The following USP17L1 variants were observed in gnomAD, a reference collection of about 807,000 sequenced individuals.
USP17L1 encodes the protein ubiquitin carboxyl-terminal hydrolase 17-like protein 1.
A neutral mutation model predicts 31.4 loss-of-function variants in USP17L1; 42 were observed. The observed-to-expected ratio is 1.34, with a 90% CI of 1.05 to 1.73. USP17L1 has a LOEUF of 1.73. Ranked by LOEUF, USP17L1 falls within the 40% of genes most tolerant of loss-of-function variation. The pLI is 0.00. For missense variants in USP17L1, 576 were observed against 495.8 expected, an observed-to-expected ratio of 1.16 and a Z score of -1.54; for synonymous variants, 230 against 194.4, an observed-to-expected ratio of 1.18 and a Z score of -1.52.
At position 7,333,066 on chromosome 8, in the gene USP17L1, T is replaced by G; in HGVS notation, c.680T>G (p.Ile227Ser). Reference sequence around the variant, plus strand: ...CCTTACCTGGACATCGCCCTGGATATCCAGGCAGCTCAGAGTGTCAAGCAA... The same window carrying G: ...CCTTACCTGGACATCGCCCTGGATAGCCAGGCAGCTCAGAGTGTCAAGCAA... ...FDPYLDIALDIQAAQSVKQAL... is the reference protein window; with the variant it reads ...FDPYLDIALDSQAAQSVKQAL... Residue 227 changes from isoleucine (I) to serine (S), a missense_variant, in exon 1 of 1, where the codon ATC (isoleucine) becomes AGC (serine). By Grantham distance (142) the Ile-to-Ser change is moderately radical. Transcript: ENST00000529559. The G allele has an allele frequency of 1.1e-6, 1 of 934,224 alleles. No individual in the cohort carries two copies. Among genetic ancestry groups the G allele is most frequent in the South Asian group, 1.4e-5 (1 of 72,896 alleles). The allele number at this position is 934,224 out of a possible 1,614,324, so 57.9% of individuals were successfully genotyped here.
At position 7,332,450 on chromosome 8, in the gene USP17L1, T is replaced by A. The variant is rs1396002382; in HGVS notation, c.64T>A (p.Ser22Thr). ...GTTCAACCACTTTTCAAAACTCACATCTTCTCGGCCAGATGCAGCTTTTGC... is the reference window on the plus strand; with the variant it reads ...GTTCAACCACTTTTCAAAACTCACAACTTCTCGGCCAGATGCAGCTTTTGC... ...WQFNHFSKLT[S>T]SRPDAAFAEI... Residue 22 changes from serine to threonine, a missense_variant, in exon 1 of 1, where the codon TCT becomes ACT. Transcript: ENST00000529559. 4 of 564,634 alleles carry A rather than the reference T, an allele frequency of 7.1e-6. No homozygotes were observed. Among genetic ancestry groups the A allele is most frequent in the Non-Finnish European group, 1.2e-5 (4 of 339,884 alleles). 35.0% of individuals were successfully genotyped at this position (564,634 alleles called of 1,614,324 possible). A position where few individuals can be genotyped will look rare whatever the true frequency, so the allele number is the denominator to read the frequency against.
Position 7,333,428 on chromosome 8 carries a change from A to G in USP17L1, c.1042A>G (p.Lys348Glu), listed in dbSNP as rs557151981. 1.2e-4 allele frequency: 189 copies of G among 1,572,226 alleles called. 7 individuals are homozygous for G. Among genetic ancestry groups the G allele is most frequent in the Non-Finnish European group, 1.5e-4 (179 of 1,168,800 alleles). ...CAAAGCTCAAGAAGTCCAGTGGTAT[A>G]AAATGGATGATGCCGAGGTCACTGT... The part of the protein sequence containing the change: ...YVKAQEVQWY[K>E]MDDAEVTVCS... The change falls in exon 1 of 1, where the codon AAA (lysine) becomes GAA (glutamate). Residue 348 changes from lysine to glutamate, a missense_variant. Coordinates refer to ENST00000529559, the MANE Select transcript of USP17L1 (RefSeq NM_001256873.1).
Position 7,333,472 on chromosome 8 carries a change from C to T in USP17L1, c.1086C>T (p.Val362=), listed in dbSNP as rs748604981. Residue 362 remains valine, a synonymous_variant, in exon 1 of 1, where the codon GTC becomes GTT. Coordinates refer to ENST00000529559, the MANE Select transcript of USP17L1 (RefSeq NM_001256873.1). The stretch of plus-strand genomic sequence containing the variant: ...TCACTGTCTGTAGCATCATTTCTGT[C>T]CTGAGTCAACAGGCCTATGTCCTCT... ...AEVTVCSIIS[V]LSQQAYVLFY... is the part of the protein sequence containing the mutation. 3.8e-6 allele frequency: 6 copies of T among 1,565,112 alleles called. No homozygotes were observed. The highest frequency in any genetic ancestry group is 2.2e-5 in the South Asian group (2 of 89,750).
In USP17L1 at chr8:7,333,591, G is replaced by A. The variant is rs543951582; in HGVS notation, c.1205G>A (p.Arg402Gln). The A allele has an allele frequency of 8.2e-5, 121 of 1,476,400 alleles. 4 individuals are homozygous for A. The East Asian group carries it at 1.0e-3, about 13-fold the overall frequency. The allele number at this position is 1,476,400 out of a possible 1,614,324, so 91.5% of individuals were successfully genotyped here. Residue 402 changes from arginine to glutamine, a missense_variant, in exon 1 of 1, where the codon CGA (arginine) becomes CAA (glutamine). Coordinates refer to ENST00000529559, the MANE Select transcript of USP17L1 (RefSeq NM_001256873.1). ...RALGAEDTDR[R>Q]AKQGELKRDH... is the part of the protein sequence containing the mutation. ...CTCGGCGCTGAAGACACAGACAGGCGAGCAAAGCAAGGAGAGCTCAAGAGA... is the reference window on the plus strand; with the variant it reads ...CTCGGCGCTGAAGACACAGACAGGCAAGCAAAGCAAGGAGAGCTCAAGAGA...
Position 7,333,389 on chromosome 8 carries a change from T to C in USP17L1, c.1003T>C (p.Tyr335His). 2 of 1,573,610 alleles carry C rather than the reference T, an allele frequency of 1.3e-6. No homozygotes were observed. Among genetic ancestry groups the C allele is most frequent in the East Asian group, 2.3e-5 (1 of 44,428 alleles). ...HAGWSCHDGH[Y>H]FSYVKAQEVQ... ...TGGGTGGAGTTGTCACGACGGACAT[T>C]ACTTCTCCTATGTCAAAGCTCAAGA... Residue 335 changes from tyrosine (Y) to histidine (H), a missense_variant, in exon 1 of 1, where the codon TAC becomes CAC. By Grantham distance (83) the Tyr-to-His change is moderately conservative. Transcript: ENST00000529559.
chr8:7,332,629 G>T lies in USP17L1; in HGVS notation c.243G>T (p.Gly81=), dbSNP rs572967453. Residue 81 remains glycine (G), a synonymous_variant, in exon 1 of 1, where the codon GGG becomes GGT. Coordinates refer to ENST00000529559, the MANE Select transcript of USP17L1 (RefSeq NM_001256873.1). ...SSRRPAAVGA[G]LQNMGNTCYE... The stretch of plus-strand genomic sequence containing the variant: ...GGAGACCTGCTGCGGTGGGGGCTGG[G>T]CTCCAGAATATGGGAAATACCTGCT... 76 of 506,536 alleles carry T rather than the reference G, an allele frequency of 1.5e-4. 11 individuals carry two copies. The African/African-American group carries it at 3.9e-3, about 26-fold the overall frequency. 31.4% of individuals were successfully genotyped at this position (506,536 alleles called of 1,614,324 possible).
chr8:7,332,398 C>T lies in USP17L1; in HGVS notation c.12C>T (p.Asp4=). 1.6e-6 allele frequency: 1 copy of T among 606,174 alleles called. No individual in the cohort carries two copies. Among genetic ancestry groups the T allele is most frequent in the Non-Finnish European group, 2.7e-6 (1 of 364,976 alleles). 37.5% of individuals were successfully genotyped at this position (606,174 alleles called of 1,614,324 possible). A position where few individuals can be genotyped will look rare whatever the true frequency, so the allele number is the denominator to read the frequency against. The change falls in exon 1 of 1, where the codon GAC becomes GAT. Residue 4 remains aspartate, a synonymous_variant. Coordinates refer to ENST00000529559, the MANE Select transcript of USP17L1 (RefSeq NM_001256873.1). Reference sequence around the variant, plus strand: ...TTGTTGCGGGCGACATGGGGGACGACTCACTCTACTTGGGAGGTGAGTGGC... The same window carrying T: ...TTGTTGCGGGCGACATGGGGGACGATTCACTCTACTTGGGAGGTGAGTGGC... MGD[D]SLYLGGEWQF...
rs1367407070 is a variant in USP17L1, at chr8:7,333,046, C to T, written c.660C>T (p.Tyr220=). ...CHGISDTFDP[Y]LDIALDIQAA... is the part of the protein sequence containing the mutation. The stretch of plus-strand genomic sequence containing the variant: ...GGATTTCAGACACTTTTGACCCTTA[C>T]CTGGACATCGCCCTGGATATCCAGG... Residue 220 remains tyrosine (Y), a synonymous_variant, in exon 1 of 1, where the codon TAC becomes TAT. Transcript: ENST00000529559. 7.5e-6 allele frequency: 8 copies of T among 1,067,908 alleles called. No individual in the cohort carries two copies. In the East Asian group the frequency reaches 7.5e-5, roughly 10 times the overall value. The allele number at this position is 1,067,908 out of a possible 1,614,324, so 66.2% of individuals were successfully genotyped here. A position where few individuals can be genotyped will look rare whatever the true frequency, so the allele number is the denominator to read the frequency against.
Position 7,333,145 on chromosome 8 carries a change from T to C in USP17L1, c.759T>C (p.His253=), listed in dbSNP as rs761287457. Residue 253 remains histidine (H), a synonymous_variant, in exon 1 of 1, where the codon CAT becomes CAC. Coordinates refer to ENST00000529559, the MANE Select transcript of USP17L1 (RefSeq NM_001256873.1). ...AACTCAATGGAGAGAATGCCTATCA[T>C]TGCGGTCTTTGTCTCCAGAGGGCGC... ...PEELNGENAY[H]CGLCLQRAPA... 4 of 784,388 alleles carry C rather than the reference T, an allele frequency of 5.1e-6. No individual in the cohort carries two copies. Among genetic ancestry groups the C allele is most frequent in the Non-Finnish European group, 6.1e-6 (3 of 493,742 alleles). 48.6% of individuals were successfully genotyped at this position (784,388 alleles called of 1,614,324 possible). A position where few individuals can be genotyped will look rare whatever the true frequency, so the allele number is the denominator to read the frequency against.
In USP17L1 at chr8:7,332,921, G is replaced by A. The variant is rs571789723; in HGVS notation, c.535G>A (p.Gly179Ser). Residue 179 changes from glycine (G) to serine (S), a missense_variant, in exon 1 of 1, where the codon GGC (glycine) becomes AGC (serine). By Grantham distance (56) the Gly-to-Ser change is moderately conservative (BLOSUM62 0). Transcript: ENST00000529559. ...TGCCATGAAAAAGGCATGCCTTCCC[G>A]GCCACAAGCAGGTAGATCATCACTG... ...VDAMKKACLP[G>S]HKQVDHHCKD... is the part of the protein sequence containing the mutation. The A allele has an allele frequency of 3.7e-5, 58 of 1,546,812 alleles. 4 individuals carry two copies. The highest frequency in any genetic ancestry group is 2.4e-4 in the Admixed American group (14 of 58,602).
rs566565828 is a variant in USP17L1, at chr8:7,333,394, C to A, written c.1008C>A (p.Phe336Leu). Residue 336 changes from phenylalanine (F) to leucine (L), a missense_variant, in exon 1 of 1, where the codon TTC (phenylalanine) becomes TTA (leucine). Transcript: ENST00000529559. ...GGAGTTGTCACGACGGACATTACTT[C>A]TCCTATGTCAAAGCTCAAGAAGTCC... ...AGWSCHDGHY[F>L]SYVKAQEVQW... is the part of the protein sequence containing the mutation. The A allele has an allele frequency of 3.8e-6, 6 of 1,574,404 alleles. No individual in the cohort carries two copies. The highest frequency in any genetic ancestry group is 4.5e-5 in the East Asian group (2 of 44,430).
Position 7,333,382 on chromosome 8 carries a change from C to G in USP17L1, c.996C>G (p.Asp332Glu), listed in dbSNP as rs530355223. 3.2e-6 allele frequency: 5 copies of G among 1,571,686 alleles called. 1 individual carries two copies. The highest frequency in any genetic ancestry group is 3.4e-5 in the Admixed American group (2 of 59,148). The change falls in exon 1 of 1, where the codon GAC becomes GAG. Residue 332 changes from aspartate (D) to glutamate (E), a missense_variant. Physicochemically the swap from Asp to Glu is conservative, Grantham distance 45. Transcript: ENST00000529559. ...TCCACGCTGGGTGGAGTTGTCACGA[C>G]GGACATTACTTCTCCTATGTCAAAG... Reference protein sequence around the residue: ...VLVHAGWSCHDGHYFSYVKAQ... With the variant: ...VLVHAGWSCHEGHYFSYVKAQ...
chr8:7,333,055 C>G lies in USP17L1; in HGVS notation c.669C>G (p.Ile223Met), dbSNP rs761129753. 9.9e-7 allele frequency: 1 copy of G among 1,008,122 alleles called. No individual in the cohort carries two copies. The highest frequency in any genetic ancestry group is 2.0e-5 in the Admixed American group (1 of 49,340). 62.4% of individuals were successfully genotyped at this position (1,008,122 alleles called of 1,614,324 possible). Residue 223 changes from isoleucine to methionine, a missense_variant, in exon 1 of 1, where the codon ATC becomes ATG. Transcript: ENST00000529559. ...ISDTFDPYLDIALDIQAAQSV... is the reference protein window; with the variant it reads ...ISDTFDPYLDMALDIQAAQSV... ...ACACTTTTGACCCTTACCTGGACAT[C>G]GCCCTGGATATCCAGGCAGCTCAGA...
In USP17L1 at chr8:7,333,620, C is replaced by T. The variant is rs201302491; in HGVS notation, c.1234C>T (p.His412Tyr). Reference sequence around the variant, plus strand: ...AAAGCAAGGAGAGCTCAAGAGAGACCACCCCTGCCTCCAGGCACCCGAGTT... The same window carrying T: ...AAAGCAAGGAGAGCTCAAGAGAGACTACCCCTGCCTCCAGGCACCCGAGTT... ...RAKQGELKRD[H>Y]PCLQAPELDE... is the part of the protein sequence containing the mutation. Residue 412 changes from histidine to tyrosine, a missense_variant, in exon 1 of 1, where the codon CAC (histidine) becomes TAC (tyrosine). Coordinates refer to ENST00000529559, the MANE Select transcript of USP17L1 (RefSeq NM_001256873.1). The T allele has an allele frequency of 5.7e-3, 8,277 of 1,456,566 alleles. 326 individuals are homozygous for T. The highest frequency in any genetic ancestry group is 0.031 in the Middle Eastern group (137 of 4,404). 90.2% of individuals were successfully genotyped at this position (1,456,566 alleles called of 1,614,324 possible).
At position 7,333,362 on chromosome 8, in the gene USP17L1, G is replaced by C. The variant is rs531036815; in HGVS notation, c.976G>C (p.Ala326Pro). 7.0e-6 allele frequency: 11 copies of C among 1,565,580 alleles called. No homozygotes were observed. Among genetic ancestry groups the C allele is most frequent in the Non-Finnish European group, 9.4e-6 (11 of 1,165,868 alleles). ...VYVLYAVLVH[A>P]GWSCHDGHYF... ...TGTCCTCTATGCTGTGCTGGTCCAC[G>C]CTGGGTGGAGTTGTCACGACGGACA... The change falls in exon 1 of 1, where the codon GCT (alanine) becomes CCT (proline). Residue 326 changes from alanine to proline, a missense_variant. Ala to Pro is a conservative substitution (Grantham distance 27). Transcript: ENST00000529559.
In USP17L1 at chr8:7,333,363, C is replaced by G; in HGVS notation, c.977C>G (p.Ala326Gly). ...GTCCTCTATGCTGTGCTGGTCCACG[C>G]TGGGTGGAGTTGTCACGACGGACAT... ...VYVLYAVLVH[A>G]GWSCHDGHYF... The change falls in exon 1 of 1, where the codon GCT (alanine) becomes GGT (glycine). Residue 326 changes from alanine (A) to glycine (G), a missense_variant. Physicochemically the swap from Ala to Gly is moderately conservative, Grantham distance 60. Coordinates refer to ENST00000529559, the MANE Select transcript of USP17L1 (RefSeq NM_001256873.1). 3 of 1,566,414 alleles carry G rather than the reference C, an allele frequency of 1.9e-6. No individual in the cohort carries two copies. The highest frequency in any genetic ancestry group is 2.6e-6 in the Non-Finnish European group (3 of 1,166,496).
chr8:7,332,911 A>C lies in USP17L1; in HGVS notation c.525A>C (p.Ala175=), dbSNP rs528228643. 6.6e-7 allele frequency: 1 copy of C among 1,526,512 alleles called. No homozygotes were observed. Among genetic ancestry groups the C allele is most frequent in the Non-Finnish European group, 8.8e-7 (1 of 1,142,472 alleles). 94.6% of individuals were successfully genotyped at this position (1,526,512 alleles called of 1,614,324 possible). ...LMFTVDAMKK[A]CLPGHKQVDH... is the part of the protein sequence containing the mutation. ...TCACTGTGGATGCCATGAAAAAGGC[A>C]TGCCTTCCCGGCCACAAGCAGGTAG... Residue 175 remains alanine (A), a synonymous_variant, in exon 1 of 1, where the codon GCA becomes GCC. Coordinates refer to ENST00000529559, the MANE Select transcript of USP17L1 (RefSeq NM_001256873.1).
chr8:7,332,620 G>T lies in USP17L1; in HGVS notation c.234G>T (p.Val78=), dbSNP rs1395800509. The T allele has an allele frequency of 2.0e-6, 1 of 501,624 alleles. No homozygotes were observed. The highest frequency in any genetic ancestry group is 3.3e-6 in the Non-Finnish European group (1 of 299,964). The allele number at this position is 501,624 out of a possible 1,614,324, so 31.1% of individuals were successfully genotyped here. The change falls in exon 1 of 1, where the codon GTG becomes GTT. Residue 78 remains valine (V), a synonymous_variant. Coordinates refer to ENST00000529559, the MANE Select transcript of USP17L1 (RefSeq NM_001256873.1). Reference sequence around the variant, plus strand: ...TGAGTAGCAGGAGACCTGCTGCGGTGGGGGCTGGGCTCCAGAATATGGGAA... The same window carrying T: ...TGAGTAGCAGGAGACCTGCTGCGGTTGGGGCTGGGCTCCAGAATATGGGAA... The part of the protein sequence containing the change: ...LPLSSRRPAA[V]GAGLQNMGNT...
chr8:7,333,674 C>G lies in USP17L1; in HGVS notation c.1288C>G (p.Gln430Glu), dbSNP rs367800475. Residue 430 changes from glutamine to glutamate, a missense_variant, in exon 1 of 1, where the codon CAG becomes GAG. Transcript: ENST00000529559. Reference protein sequence around the residue: ...LDEHLVERATQESTLDHWKFL... With the variant: ...LDEHLVERATEESTLDHWKFL... ...CGAGCACTTGGTGGAAAGAGCCACT[C>G]AGGAAAGCACCTTAGACCACTGGAA... is the stretch of plus-strand genomic sequence containing the variant. The G allele has an allele frequency of 2.9e-4, 459 of 1,582,102 alleles. 32 individuals are homozygous for G. Among genetic ancestry groups the G allele is most frequent in the South Asian group, 8.8e-4 (79 of 89,844 alleles).
Sources: allele counts gnomAD v4.1 joint callset, GRCh38; gene constraint gnomAD v4.1.1; transcripts MANE v1.5; gene names NCBI Gene and HGNC (gene_info 2026-07-23, HGNC 2026-07-21).